TCTN2: variants seen among roughly 807,000 people sequenced by gnomAD.
TCTN2 encodes tectonic family member 2.
In TCTN2, 66 loss-of-function variants were observed where a neutral mutation model predicts 83.4. The ratio of observed to expected loss-of-function variants is 0.79; its 90% CI spans 0.65 to 0.97. The LOEUF (loss-of-function observed/expected upper bound fraction) is 0.97. Among genes scored for constraint, TCTN2 ranks in the 50% least tolerant of loss-of-function variants. The pLI is 0.00. For missense variants in TCTN2, 794 were observed against 858.1 expected (o/e 0.93, Z 0.93); for synonymous variants, 301 against 326.7 (o/e 0.92, Z 0.85).
intron 7 of TCTN2, among the ~76,000 whole-genome samples, chr12:123,689,740 T>G (rs1218107803): frequency 6.6e-6 from 1 of 152,118 alleles, no homozygotes; most frequent in Admixed American, 6.6e-5. Context: ...CATTCTAGAA[T>G]TTTGAAAAAT....
Position 123,704,672 on chromosome 12 carries a change from C to T in TCTN2, c.1753C>T (p.Leu585Phe), listed in dbSNP as rs947271515. ...GGAAGGGATTACTCAGCAGGAGATA[C>T]TCGGTGTAGAGACAAGGTATGATCA... ...AVEGITQQEILGVETRFSSVN... is the reference protein window; with the variant it reads ...AVEGITQQEIFGVETRFSSVN... The change falls in exon 15 of 18, where the codon CTC becomes TTC. Residue 585 changes from leucine to phenylalanine, a missense_variant. Coordinates refer to ENST00000303372, the MANE Select transcript of TCTN2 (RefSeq NM_024809.5). 8 of 1,613,338 alleles carry T rather than the reference C, an allele frequency of 5.0e-6. No individual in the cohort carries two copies. Among genetic ancestry groups the T allele is most frequent in the Non-Finnish European group, 6.8e-6 (8 of 1,179,906 alleles).
At chr12:123,691,759 T>C (rs961472796) in intron 8 of TCTN2, among the ~76,000 whole-genome samples, 16 of 146,538 alleles carry the variant, frequency 1.1e-4, no homozygotes, top group Non-Finnish European at 1.9e-4. Context: ...TGAGAGGGAG[T>C]CTTGCTCTGT....
intron 14 of TCTN2, chr12:123,700,242 CT>C: frequency 3.1e-6 from 1 of 323,716 alleles, no homozygotes; most frequent in Non-Finnish European, 5.9e-6. Context: ...AACTCCTGGG[CT>C]TAAGTGATCT....
chr12:123,694,229 G>A (rs942063435), intron 9 of TCTN2, among the ~76,000 whole-genome samples: 2 of 151,904 alleles, frequency 1.3e-5, no homozygotes, highest in Admixed American at 1.3e-4. Context: ...TCCTGACCTC[G>A]TGATCTGCCT....
rs756364381 is a variant in TCTN2 at position 123,704,553 on chromosome 12, G to C, written c.1634G>C (p.Gly545Ala). 1 of 1,612,782 alleles carries C rather than the reference G, an allele frequency of 6.2e-7. No individual in the cohort carries two copies. The highest frequency in any genetic ancestry group is 1.1e-5 in the South Asian group (1 of 90,910). The change falls in exon 15 of 18, where the codon GGT (glycine) becomes GCT (alanine). Residue 545 changes from glycine to alanine, a missense_variant. Transcript: ENST00000303372. ...ATAGGTGTAGATGCCCCTGATCCAG[G>C]TGCAGACCCGCTGGCTAGCAGTGTG... ...EIIRVDAPDP[G>A]ADPLASSVNG... is the part of the protein sequence containing the mutation.
chr12:123,690,099 C>T (rs1298996564), intron 7 of TCTN2, among the ~76,000 whole-genome samples: 1 of 152,172 alleles, frequency 6.6e-6, no homozygotes, highest in African/African-American at 2.4e-5. Context: ...TGCTCCCAAC[C>T]TGAAATCTTT....
chr12:123,707,023 A>G lies in TCTN2; in HGVS notation c.1934A>G (p.Asn645Ser). ...INYTEYDCNR[N>S]EVCWPQLLYP... ...TATACAGAGTATGACTGCAACAGAA[A>G]TGAGGTGTGTTGGCCGCAGCTTCTA... Residue 645 changes from asparagine to serine, a missense_variant, in exon 17 of 18, where the codon AAT becomes AGT. Asn to Ser is a conservative substitution (Grantham distance 46, BLOSUM62 1). Coordinates refer to ENST00000303372, the MANE Select transcript of TCTN2 (RefSeq NM_024809.5). 3 of 1,614,058 alleles carry G rather than the reference A, an allele frequency of 1.9e-6. No individual in the cohort carries two copies. Among genetic ancestry groups the G allele is most frequent in the Non-Finnish European group, 2.5e-6 (3 of 1,180,026 alleles).
At chr12:123,690,725 A>G (rs530494311) in intron 8 of TCTN2, 51 bp downstream of exon 8, 8 of 1,599,752 alleles carry the variant, frequency 5.0e-6, no homozygotes, top group Non-Finnish European at 6.8e-6. Flanking sequence ...ATGAATATAA[A>G]GTATGATCTC....
At chr12:123,684,398 TC>T (rs1359041054) in intron 5 of TCTN2, among the ~76,000 whole-genome samples, 5 of 150,650 alleles carry the variant, frequency 3.3e-5, no homozygotes, top group Non-Finnish European at 7.4e-5. Flanking sequence ...ATATTGTCAT[TC>T]TTTTTTTTTT....
chr12:123,685,042 T>TC (rs1955947148), intron 5 of TCTN2, among the ~76,000 whole-genome samples: 1 of 143,152 alleles, frequency 7.0e-6, no homozygotes, highest in Admixed American at 7.1e-5. Context: ...AGAGCGAGAC[T>TC]CCATCTCAAA....
chr12:123,674,037 T>C (rs141941366), intron 4 of TCTN2, among the ~76,000 whole-genome samples: 17 of 152,312 alleles, frequency 1.1e-4, no homozygotes, highest in African/African-American at 3.6e-4. Context: ...GAAAAATTTG[T>C]GTCAAGCTTA....
intron 3 of TCTN2, among the ~76,000 whole-genome samples, chr12:123,672,679 G>A (rs1252252477): frequency 2.6e-5 from 4 of 152,032 alleles, no homozygotes; most frequent in Non-Finnish European, 5.9e-5. Context: ...CAGGAGTTCA[G>A]GGCTGCAGAG....
chr12:123,675,384 T>G (rs1376223731), intron 4 of TCTN2, among the ~76,000 whole-genome samples: 1 of 152,178 alleles, frequency 6.6e-6, no homozygotes, highest in African/African-American at 2.4e-5. Context: ...TGGCGAACTC[T>G]GACATCTCTT....
At chr12:123,706,391 T>C (rs1176291021) in intron 15 of TCTN2, among the ~76,000 whole-genome samples, 2 of 152,206 alleles carry the variant, frequency 1.3e-5, no homozygotes, top group African/African-American at 4.8e-5. Flanking sequence ...TTTATTATTA[T>C]ATTGTTTGAG....
At chr12:123,703,773 AGCCACTGT>A (rs1353239793) in intron 14 of TCTN2, among the ~76,000 whole-genome samples, 1 of 152,154 alleles carries the variant, frequency 6.6e-6, no homozygotes, top group African/African-American at 2.4e-5. Flanking sequence ...TATAGGCATG[AGCCACTGT>A]GCCTGGCCTA....
chr12:123,686,752 C>A, intron 5 of TCTN2, 84 bp from the exon 6 acceptor site: 1 of 1,331,222 alleles, frequency 7.5e-7, no homozygotes, highest in South Asian at 1.2e-5. Context: ...GTCCTGCTGG[C>A]CTTAAATAAG....
chr12:123,706,046 G>C (rs1013891230), intron 15 of TCTN2, among the ~76,000 whole-genome samples: 12 of 152,118 alleles, frequency 7.9e-5, no homozygotes, highest in African/African-American at 2.7e-4. Flanking sequence ...ATGAGTCACC[G>C]TGCCCGGCCC....
rs755663844 is a variant in TCTN2, at chr12:123,707,752, G to A, written c.*39G>A. 6.6e-7 allele frequency: 1 copy of A among 1,519,558 alleles called. No homozygotes were observed. The highest frequency in any genetic ancestry group is 1.1e-5 in the South Asian group (1 of 89,008). 94.1% of individuals were successfully genotyped at this position (1,519,558 alleles called of 1,614,324 possible). On this transcript the variant is annotated 3_prime_UTR_variant, in exon 18 of 18. Transcript: ENST00000303372. Reference sequence around the variant, plus strand: ...TTTTATTTTTTTGAGATGGAGTTTTGCTCTTGTTGCCCAGGCTGAAGTGAT... The same window carrying A: ...TTTTATTTTTTTGAGATGGAGTTTTACTCTTGTTGCCCAGGCTGAAGTGAT...
chr12:123,688,231 T>TTTTTTTA, intron 7 of TCTN2, 54 bp downstream of exon 7: 2 of 1,486,016 alleles, frequency 1.3e-6, no homozygotes, highest in Non-Finnish European at 1.8e-6. Context: ...TTTTTTTTTT[T>TTTTTTTA]ATGAGACGGA....
Sources: allele counts gnomAD v4.1 joint callset (sites outside exome capture counted in the v4.1 genomes callset), GRCh38; gene constraint gnomAD v4.1.1; transcripts MANE v1.5; gene names NCBI Gene and HGNC (gene_info 2026-07-23, HGNC 2026-07-21).